Variants in C1orf21 observed in about 807,000 individuals in gnomAD.
The protein encoded by C1orf21 is uncharacterized protein C1orf21.
Under a neutral mutation model 18.7 loss-of-function variants are expected in C1orf21, and 3 were observed. The observed-to-expected ratio is 0.16, with a 90% confidence interval of 0.07 to 0.42. The LOEUF (loss-of-function observed/expected upper bound fraction) is 0.42. C1orf21 is among the 10% of genes least tolerant of loss of function. The pLI, the probability that C1orf21 is intolerant of heterozygous loss-of-function variation, is 0.99. For synonymous variants in C1orf21, 41 were observed against 46.4 expected (o/e 0.88, Z 0.47); for missense variants, 104 against 143.6 (o/e 0.72, Z 1.41).
At chr1:184,520,560 ATTCACAGCGAT>A (rs1658292617) in intron 3 of C1orf21, among the ~76,000 whole-genome samples, 1 of 152,174 alleles carries the variant, frequency 6.6e-6, no homozygotes, top group Non-Finnish European at 1.5e-5. Context: ...CATTCTAATG[ATTCACAGCGAT>A]GCCTTACTGC....
At chr1:184,472,944 G>A (rs1657515743) in intron 1 of C1orf21, among the ~76,000 whole-genome samples, 1 of 152,124 alleles carries the variant, frequency 6.6e-6, no homozygotes, top group Non-Finnish European at 1.5e-5. Flanking sequence ...TATTTCAACT[G>A]GGCTTACAAA....
intron 1 of C1orf21, among the ~76,000 whole-genome samples, chr1:184,436,943 T>TG (rs1371044501): frequency 1.3e-5 from 2 of 152,098 alleles, no homozygotes; most frequent in Non-Finnish European, 2.9e-5. Context: ...AGCGGCGGGT[T>TG]GGGGGGTACT....
At chr1:184,590,116 A>G (rs1345263991) in intron 3 of C1orf21, among the ~76,000 whole-genome samples, 2 of 152,234 alleles carry the variant, frequency 1.3e-5, no homozygotes, top group Non-Finnish European at 2.9e-5. Flanking sequence ...CCTTACTGAT[A>G]TACTAGCATT....
intron 3 of C1orf21, among the ~76,000 whole-genome samples, chr1:184,589,528 C>A (rs1031277625): frequency 6.6e-6 from 1 of 152,178 alleles, no homozygotes; most frequent in Non-Finnish European, 1.5e-5. Context: ...ATCTACTGTT[C>A]CCTGACATAC....
At chr1:184,512,585 C>CT (rs1243022113) in intron 3 of C1orf21, among the ~76,000 whole-genome samples, 2 of 152,214 alleles carry the variant, frequency 1.3e-5, no homozygotes, top group Non-Finnish European at 2.9e-5. Context: ...TTCTCTCAGA[C>CT]TTTAATTCCA....
At chr1:184,495,350 G>A (rs1490380580) in intron 2 of C1orf21, among the ~76,000 whole-genome samples, 2 of 152,054 alleles carry the variant, frequency 1.3e-5, no homozygotes, top group Non-Finnish European at 2.9e-5. Context: ...CACCATCCCA[G>A]TTCAGTTTAT....
intron 3 of C1orf21, among the ~76,000 whole-genome samples, chr1:184,564,620 T>C (rs976241774): frequency 6.6e-6 from 1 of 152,196 alleles, no homozygotes; most frequent in East Asian, 1.9e-4. Flanking sequence ...ATAATAATTC[T>C]CTAAGGCTAA....
intron 1 of C1orf21, among the ~76,000 whole-genome samples, chr1:184,476,133 A>G (rs1047075295): frequency 9.2e-5 from 14 of 152,214 alleles, no homozygotes; most frequent in Admixed American, 2.0e-4. Flanking sequence ...TATGGCTTAA[A>G]TGATTAAATT....
intron 1 of C1orf21, among the ~76,000 whole-genome samples, chr1:184,469,533 TA>T (rs1407720463): frequency 2.0e-5 from 3 of 152,192 alleles, no homozygotes; most frequent in Non-Finnish European, 2.9e-5. Context: ...TCAGTGGCAT[TA>T]ACTCTTTTTT....
intron 3 of C1orf21, among the ~76,000 whole-genome samples, chr1:184,529,696 A>G (rs1658430051): frequency 6.6e-6 from 1 of 152,196 alleles, no homozygotes; most frequent in Admixed American, 6.5e-5. Flanking sequence ...AGAATGAAAG[A>G]AAAAGGCAGT....
chr1:184,505,082 T>G (rs1168477035), intron 2 of C1orf21, among the ~76,000 whole-genome samples: 1 of 151,988 alleles, frequency 6.6e-6, no homozygotes, highest in African/African-American at 2.4e-5. Flanking sequence ...GAAGACTGAA[T>G]GTCACTGGGC....
At chr1:184,480,409 T>C (rs1440472104) in intron 2 of C1orf21, among the ~76,000 whole-genome samples, 4 of 152,316 alleles carry the variant, frequency 2.6e-5, no homozygotes, top group African/African-American at 9.6e-5. Context: ...AAGATAACCT[T>C]AGATTGTCAG....
chr1:184,407,456 A>T (rs1656265816), intron 1 of C1orf21, among the ~76,000 whole-genome samples: 1 of 152,212 alleles, frequency 6.6e-6, no homozygotes, highest in Admixed American at 6.5e-5. Context: ...AAACTCAGAA[A>T]ATCTCTCAGG....
intron 3 of C1orf21, among the ~76,000 whole-genome samples, chr1:184,587,370 C>A (rs1415698533): frequency 6.8e-6 from 1 of 146,848 alleles, no homozygotes; most frequent in Non-Finnish European, 1.5e-5. Context: ...CTATAAATTG[C>A]TTTGGGTAGT....
chr1:184,511,887 A>G (rs1658154138), intron 3 of C1orf21, among the ~76,000 whole-genome samples: 1 of 152,186 alleles, frequency 6.6e-6, no homozygotes. Context: ...CACTGTCATG[A>G]GAACAGCATG....
intron 1 of C1orf21, among the ~76,000 whole-genome samples, chr1:184,390,043 AG>A (rs1655947440): frequency 6.6e-6 from 1 of 152,228 alleles, no homozygotes; most frequent in African/African-American, 2.4e-5. Context: ...CCCTAACTAA[AG>A]GGTAATCGTA....
chr1:184,410,882 C>T (rs891542016), intron 1 of C1orf21, among the ~76,000 whole-genome samples: 2 of 149,610 alleles, frequency 1.3e-5, no homozygotes, highest in Non-Finnish European at 3.0e-5. Flanking sequence ...GCTCTCCTGA[C>T]GTCAGATGAT....
intron 3 of C1orf21, among the ~76,000 whole-genome samples, chr1:184,531,299 C>T (rs1016377039): frequency 2.0e-5 from 3 of 152,130 alleles, no homozygotes; most frequent in Non-Finnish European, 2.9e-5. Flanking sequence ...CAGGTTACAT[C>T]TCTACACTCT....
intron 1 of C1orf21, among the ~76,000 whole-genome samples, chr1:184,453,385 G>A (rs1261160387): frequency 1.3e-5 from 2 of 152,080 alleles, no homozygotes; most frequent in Non-Finnish European, 2.9e-5. Flanking sequence ...AACTCTTTCT[G>A]TGCTTTTCAT....
Sources: allele counts gnomAD v4.1 joint callset (sites outside exome capture counted in the v4.1 genomes callset), GRCh38; gene constraint gnomAD v4.1.1; transcripts MANE v1.5; gene names NCBI Gene and HGNC (gene_info 2026-07-23, HGNC 2026-07-21).